P2RY8: variants seen among roughly 807,000 people sequenced by gnomAD.
The protein encoded by P2RY8 is S-geranylgeranyl-glutathione receptor P2RY8.
Under a neutral mutation model 10.0 loss-of-function variants are expected in P2RY8, and 6 were observed. That is an observed-to-expected ratio of 0.60 (90% CI 0.33 to 1.19). P2RY8 has a LOEUF of 1.19. Among genes scored for constraint, P2RY8 ranks in the 50% most tolerant of loss-of-function variants. The probability of loss-of-function intolerance (pLI) is 0.04; values close to 1 mark genes in which losing one functional copy is unlikely to be tolerated. For synonymous variants in P2RY8, 276 were observed against 252.5 expected, an observed-to-expected ratio of 1.09 and a Z score of -0.88; for missense variants, 456 against 542.0, an observed-to-expected ratio of 0.84 and a Z score of 1.58.
intron 1 of P2RY8, among the ~76,000 whole-genome samples, chrX:1,493,449 G>A (rs867652437): frequency 0.16 from 18,455 of 116,598 alleles, 3,017 homozygotes; most frequent in East Asian, 0.48. Context: ...GGAGGAGGAA[G>A]GAGGAAGGAG....
intron 1 of P2RY8, among the ~76,000 whole-genome samples, chrX:1,486,792 G>A (rs1404680638): frequency 6.6e-6 from 1 of 152,180 alleles, no homozygotes; most frequent in African/African-American, 2.4e-5. Flanking sequence ...TACTTCCTGC[G>A]TCTGAGCTGG....
In P2RY8 at chrX:1,469,321, G is replaced by A. The variant is rs137974212; in HGVS notation, c.-24-2739C>T. 3.5e-3 allele frequency among the ~76,000 whole-genome samples: 523 copies of A among 150,498 alleles called. 1 individual carries two copies. Among genetic ancestry groups the A allele is most frequent in the African/African-American group, 0.011 (466 of 40,918 alleles). ...TGGGATTACATGCATGCACCACCAC[G>A]CCTGGCTGATTTTTTACTTTTTGTA... On this transcript the variant is annotated intron_variant, in intron 1 of 1. Transcript: ENST00000381297.
intron 1 of P2RY8, among the ~76,000 whole-genome samples, chrX:1,532,790 A>C (rs1213153342): frequency 1.3e-5 from 2 of 151,948 alleles, no homozygotes; most frequent in Admixed American, 6.6e-5. Context: ...TCACAAGGTC[A>C]GGAGTTTGAG....
chrX:1,494,969 C>T (rs1441380811), intron 1 of P2RY8, among the ~76,000 whole-genome samples: 2 of 135,130 alleles, frequency 1.5e-5, no homozygotes, highest in Non-Finnish European at 3.4e-5. Context: ...CCACCCGCCT[C>T]GGCCTCCCAA....
intron 1 of P2RY8, among the ~76,000 whole-genome samples, chrX:1,470,923 G>A (rs777488810): frequency 8.7e-5 from 13 of 148,948 alleles, no homozygotes; most frequent in Admixed American, 5.4e-4. Context: ...TGCAACCTCC[G>A]CCTCCTGGGT....
At position 1,466,469 on chromosome X, in the gene P2RY8, G is replaced by T; in HGVS notation, c.90C>A (p.Tyr30Ter). 6.2e-7 allele frequency: 1 copy of T among 1,612,142 alleles called. No homozygotes were observed. Among genetic ancestry groups the T allele is most frequent in the Non-Finnish European group, 8.5e-7 (1 of 1,179,828 alleles). ...PAIAVALPVV[Y>*]SLVAAVSIPG... The stretch of plus-strand genomic sequence containing the variant: ...GGATGCTGACCGCCGCCACCAGCGA[G>T]TACACCACGGGCAGGGCCACCGCGA... Residue 30 changes from tyrosine to a stop codon, truncating the protein, a stop_gained, in exon 2 of 2, where the codon TAC (tyrosine) becomes TAA (stop). Coordinates refer to ENST00000381297, the MANE Select transcript of P2RY8 (RefSeq NM_178129.5). LOFTEE classifies it high-confidence loss of function.
chrX:1,516,193 A>G (rs1415159103), intron 1 of P2RY8, among the ~76,000 whole-genome samples: 5 of 111,368 alleles, frequency 4.5e-5, no homozygotes, highest in Admixed American at 3.1e-4. Flanking sequence ...GTGAAACTCC[A>G]CCTCAGAAAA....
At chrX:1,504,698 A>G (rs1248356515) in intron 1 of P2RY8, among the ~76,000 whole-genome samples, 1 of 151,938 alleles carries the variant, frequency 6.6e-6, no homozygotes, top group Non-Finnish European at 1.5e-5. Context: ...CTAAAAATAC[A>G]AAATTAGGTC....
chrX:1,504,993 C>G (rs1362305291), intron 1 of P2RY8, among the ~76,000 whole-genome samples: 38 of 152,016 alleles, frequency 2.5e-4, no homozygotes, highest in Admixed American at 7.9e-4. Context: ...AATAAATTAG[C>G]CGGGCGTGGT....
At chrX:1,509,982 C>CATCCATCT (rs368718118) in intron 1 of P2RY8, among the ~76,000 whole-genome samples, 1 of 151,254 alleles carries the variant, frequency 6.6e-6, no homozygotes, top group African/African-American at 2.4e-5. Flanking sequence ...TCCATCCATC[C>CATCCATCT]ATCATCTATG....
intron 1 of P2RY8, among the ~76,000 whole-genome samples, chrX:1,509,815 A>ATCTATCATCTATGTATCCATCCAT (rs2092284862): frequency 4.8e-5 from 5 of 104,304 alleles, no homozygotes; most frequent in African/African-American, 9.9e-5. Context: ...CTATCTATCT[A>ATCTATCATCTATGTATCCATCCAT]TCTATCTATC....
At chrX:1,534,924 G>A (rs1482095915) in intron 1 of P2RY8, among the ~76,000 whole-genome samples, 2 of 152,088 alleles carry the variant, frequency 1.3e-5, no homozygotes, top group African/African-American at 4.8e-5. Flanking sequence ...CCACCCCAAG[G>A]TTGGTCAGTC....
At chrX:1,507,922 C>T (rs1207672797) in intron 1 of P2RY8, among the ~76,000 whole-genome samples, 1 of 152,184 alleles carries the variant, frequency 6.6e-6, no homozygotes, top group Non-Finnish European at 1.5e-5. Context: ...ACTCAACACA[C>T]ACCCCACGTC....
chrX:1,469,332 T>G (rs1198046200), intron 1 of P2RY8, among the ~76,000 whole-genome samples: 2 of 150,872 alleles, frequency 1.3e-5, no homozygotes, highest in African/African-American at 2.4e-5. Flanking sequence ...CCTGGCTGAT[T>G]TTTTACTTTT....
intron 1 of P2RY8, among the ~76,000 whole-genome samples, chrX:1,505,294 C>A: frequency 6.6e-6 from 1 of 152,270 alleles, no homozygotes; most frequent in East Asian, 1.9e-4. Flanking sequence ...GAAAGCAGAT[C>A]TTTATCTTTC....
At chrX:1,467,735 A>C (rs778132716) in intron 1 of P2RY8, among the ~76,000 whole-genome samples, 1 of 152,278 alleles carries the variant, frequency 6.6e-6, no homozygotes, top group East Asian at 1.9e-4. Flanking sequence ...GGAGGGCAGT[A>C]GTGCAAACGT....
At chrX:1,515,676 G>A (rs1273569604) in intron 1 of P2RY8, among the ~76,000 whole-genome samples, 2 of 151,742 alleles carry the variant, frequency 1.3e-5, no homozygotes, top group Non-Finnish European at 2.9e-5. Context: ...CAGCCATTTA[G>A]GATATTTTCA....
chrX:1,533,974 T>G (rs1290724993), intron 1 of P2RY8, among the ~76,000 whole-genome samples: 1 of 124,668 alleles, frequency 8.0e-6, no homozygotes, highest in Non-Finnish European at 1.5e-5. Flanking sequence ...ATTTATAACT[T>G]AAATATATTA....
At chrX:1,535,693 C>CCA (rs779177116) in intron 1 of P2RY8, among the ~76,000 whole-genome samples, 10,092 of 125,612 alleles carry the variant, frequency 0.08, 359 homozygotes, top group Non-Finnish European at 0.099. Flanking sequence ...GAAGAAACAA[C>CCA]CACACACACA....
Sources: gnomAD v4.1 joint callset for allele counts (sites outside exome capture counted in the v4.1 genomes callset) on GRCh38, gnomAD v4.1.1 for gene constraint, MANE v1.5 for transcripts, NCBI Gene and HGNC (gene_info 2026-07-23, HGNC 2026-07-21) for gene names.